Variants in GALNT17 observed in about 807,000 individuals in gnomAD.
GALNT17 encodes UDP-GalNAc:polypeptide N-acetylgalactosaminyltransferase-like 3.
GALNT17 carries 29 observed loss-of-function variants against 63.7 expected under a neutral mutation model. The ratio of observed to expected loss-of-function variants is 0.46; its 90% CI spans 0.34 to 0.62. The LOEUF is 0.62. Among genes scored for constraint, GALNT17 ranks in the 20% least tolerant of loss-of-function variants. The pLI, the probability that GALNT17 is intolerant of heterozygous loss-of-function variation, is 0.01. For missense variants in GALNT17, 603 were observed against 799.6 expected (o/e 0.75, Z 2.97); for synonymous variants, 305 against 318.3 (o/e 0.96, Z 0.45).
chr7:71,537,289 C>T (rs933721635), intron 5 of GALNT17, among the ~76,000 whole-genome samples: 2 of 152,086 alleles, frequency 1.3e-5, no homozygotes, highest in Non-Finnish European at 2.9e-5. Context: ...GTCCTCCATG[C>T]CTGGTATAAT....
chr7:71,617,876 A>C (rs1226686833), intron 6 of GALNT17, among the ~76,000 whole-genome samples: 6 of 151,698 alleles, frequency 4.0e-5, no homozygotes, highest in African/African-American at 1.5e-4. Context: ...CAAACTCCTG[A>C]CCTCAGGCGA....
At chr7:71,272,551 T>G (rs1790612512) in intron 1 of GALNT17, among the ~76,000 whole-genome samples, 1 of 150,118 alleles carries the variant, frequency 6.7e-6, no homozygotes, top group Admixed American at 6.6e-5. Flanking sequence ...ATGCAGGCTT[T>G]TGTACATGGA....
At chr7:71,505,102 A>C (rs1235275248) in intron 5 of GALNT17, among the ~76,000 whole-genome samples, 1 of 152,144 alleles carries the variant, frequency 6.6e-6, no homozygotes, top group Non-Finnish European at 1.5e-5. Context: ...TACTTGACCC[A>C]CAGAACCCAG....
At chr7:71,244,025 G>T (rs1790050338) in intron 1 of GALNT17, among the ~76,000 whole-genome samples, 1 of 152,150 alleles carries the variant, frequency 6.6e-6, no homozygotes, top group East Asian at 1.9e-4. Context: ...GGAGATGGAG[G>T]TGCAGGGTTA....
chr7:71,681,482 A>G (rs1791261163), intron 9 of GALNT17, among the ~76,000 whole-genome samples: 1 of 152,166 alleles, frequency 6.6e-6, no homozygotes, highest in African/African-American at 2.4e-5. Context: ...AAGGGGACAT[A>G]GAGGGTGGGA....
At chr7:71,174,634 G>A (rs1788603701) in intron 1 of GALNT17, among the ~76,000 whole-genome samples, 2 of 152,138 alleles carry the variant, frequency 1.3e-5, no homozygotes, top group Non-Finnish European at 2.9e-5. Context: ...GCGGGCAGGG[G>A]ATGGATCTCA....
chr7:71,275,674 T>A (rs1006893403), intron 1 of GALNT17, among the ~76,000 whole-genome samples: 1 of 152,164 alleles, frequency 6.6e-6, no homozygotes, highest in Non-Finnish European at 1.5e-5. Context: ...GTCTGAAGGT[T>A]GAGGAAGTGG....
intron 6 of GALNT17, among the ~76,000 whole-genome samples, chr7:71,604,691 G>T (rs902733776): frequency 3.9e-5 from 6 of 152,122 alleles, no homozygotes; most frequent in African/African-American, 1.4e-4. Context: ...CTTATACAGG[G>T]CATTGGTTCT....
At chr7:71,438,517 T>TC (rs2116510274) in intron 5 of GALNT17, among the ~76,000 whole-genome samples, 1 of 152,292 alleles carries the variant, frequency 6.6e-6, no homozygotes, top group East Asian at 1.9e-4. Context: ...AAGTTGACAC[T>TC]CAGTATTAAT....
At chr7:71,369,856 A>G (rs1029972828) in intron 2 of GALNT17, among the ~76,000 whole-genome samples, 3 of 148,630 alleles carry the variant, frequency 2.0e-5, no homozygotes, top group Non-Finnish European at 4.5e-5. Context: ...ACTATGTATT[A>G]TTGACCTGTG....
intron 1 of GALNT17, among the ~76,000 whole-genome samples, chr7:71,245,479 G>A (rs781431679): frequency 6.6e-6 from 1 of 152,174 alleles, no homozygotes; most frequent in African/African-American, 2.4e-5. Flanking sequence ...TTTGGAAAAG[G>A]GGGAGGCAGG....
chr7:71,270,635 C>T (rs1225466132), intron 1 of GALNT17, among the ~76,000 whole-genome samples: 1 of 150,852 alleles, frequency 6.6e-6, no homozygotes, highest in African/African-American at 2.4e-5. Flanking sequence ...CACTTGGCTT[C>T]AGCAATTCTC....
At chr7:71,599,306 C>T (rs1203825342) in intron 6 of GALNT17, among the ~76,000 whole-genome samples, 1 of 152,156 alleles carries the variant, frequency 6.6e-6, no homozygotes, top group Admixed American at 6.5e-5. Flanking sequence ...GCTTTGCTTT[C>T]TTTTATTTAA....
intron 5 of GALNT17, among the ~76,000 whole-genome samples, chr7:71,449,103 A>ATTTTGT (rs1583963031): frequency 2.2e-5 from 1 of 45,622 alleles, no homozygotes; most frequent in East Asian, 7.0e-4. Context: ...ACAGCTGCCT[A>ATTTTGT]TTTTCTTTTT....
intron 6 of GALNT17, among the ~76,000 whole-genome samples, chr7:71,639,192 C>T (rs544479514): frequency 2.6e-5 from 4 of 152,068 alleles, no homozygotes; most frequent in Admixed American, 6.6e-5. Flanking sequence ...CAAAACGTCT[C>T]GTGTACCCCA....
At chr7:71,142,411 A>G (rs1341076680) in intron 1 of GALNT17, among the ~76,000 whole-genome samples, 1 of 152,014 alleles carries the variant, frequency 6.6e-6, no homozygotes, top group Non-Finnish European at 1.5e-5. Context: ...ACTTATAATG[A>G]TGGTGCCTTT....
chr7:71,291,476 A>G (rs1790978994), intron 1 of GALNT17, among the ~76,000 whole-genome samples: 2 of 152,210 alleles, frequency 1.3e-5, no homozygotes, highest in Admixed American at 6.5e-5. Context: ...CTGTCTAACA[A>G]TATTCAGTCA....
At chr7:71,564,867 G>C (rs1420388652) in intron 5 of GALNT17, among the ~76,000 whole-genome samples, 2 of 152,168 alleles carry the variant, frequency 1.3e-5, no homozygotes, top group Non-Finnish European at 2.9e-5. Context: ...GCTGAGCAGA[G>C]CTGTTTCCAG....
chr7:71,154,820 C>T (rs2116228068), intron 1 of GALNT17, among the ~76,000 whole-genome samples: 1 of 152,014 alleles, frequency 6.6e-6, no homozygotes, highest in South Asian at 2.1e-4. Flanking sequence ...TCATGATCCA[C>T]CCGCCTTGGC....
Sources: gnomAD v4.1 joint callset for allele counts (sites outside exome capture counted in the v4.1 genomes callset) on GRCh38, gnomAD v4.1.1 for gene constraint, MANE v1.5 for transcripts, NCBI Gene and HGNC (gene_info 2026-07-23, HGNC 2026-07-21) for gene names.